The following ADAM10 variants were observed in gnomAD, a reference collection of about 807,000 sequenced individuals.
ADAM10 encodes the protein disintegrin and metalloproteinase domain-containing protein 10.
ADAM10 carries 17 observed loss-of-function variants against 90.1 expected under a neutral mutation model. The ratio of observed to expected loss-of-function variants is 0.19; its 90% confidence interval spans 0.13 to 0.28. The LOEUF (loss-of-function observed/expected upper bound fraction) is 0.28. ADAM10 is among the 10% of genes least tolerant of loss of function. The pLI is 1.00. For synonymous variants in ADAM10, 310 were observed against 298.6 expected (o/e 1.04, Z -0.40); for missense variants, 610 against 914.3 (o/e 0.67, Z 4.29).
intron 2 of ADAM10, among the ~76,000 whole-genome samples, chr15:58,685,265 T>C (rs954365160): frequency 6.7e-6 from 1 of 148,238 alleles, no homozygotes; most frequent in Non-Finnish European, 1.5e-5. Context: ...ATCGAGACCA[T>C]CCTGGCTAAC....
intron 2 of ADAM10, chr15:58,686,464 G>C: frequency 1.4e-6 from 2 of 1,395,770 alleles, no homozygotes; most frequent in Non-Finnish European, 2.0e-6. Context: ...AGCAGCTCAA[G>C]TTGGAGGCTG....
At chr15:58,617,382 A>G (rs1423316192) in intron 11 of ADAM10, among the ~76,000 whole-genome samples, 2 of 152,134 alleles carry the variant, frequency 1.3e-5, no homozygotes. Flanking sequence ...TGAAATAAGA[A>G]TAGAAAACCT....
intron 1 of ADAM10, among the ~76,000 whole-genome samples, chr15:58,736,140 T>C (rs545709428): frequency 1.3e-5 from 2 of 152,292 alleles, no homozygotes; most frequent in South Asian, 4.1e-4. Context: ...CTTATCCTTA[T>C]TAACATCTTC....
intron 11 of ADAM10, 32 bp downstream of exon 11, chr15:58,621,439 G>C: frequency 2.5e-6 from 4 of 1,613,182 alleles, no homozygotes; most frequent in South Asian, 2.2e-5. Flanking sequence ...AACTTTACAA[G>C]AATGTTAACA....
intron 11 of ADAM10, among the ~76,000 whole-genome samples, chr15:58,615,190 C>T (rs529812476): frequency 2.1e-5 from 3 of 143,288 alleles, no homozygotes; most frequent in Non-Finnish European, 3.0e-5. Flanking sequence ...AGGAGAATGG[C>T]GTGAACCCAG....
At chr15:58,664,346 C>T (rs1378859503) in intron 5 of ADAM10, among the ~76,000 whole-genome samples, 1 of 152,038 alleles carries the variant, frequency 6.6e-6, no homozygotes, top group Non-Finnish European at 1.5e-5. Flanking sequence ...TCCACATATT[C>T]CCAGAACTTT....
At chr15:58,628,065 T>C (rs1348401870) in intron 9 of ADAM10, among the ~76,000 whole-genome samples, 182 bp from the exon 10 acceptor site, 1 of 152,202 alleles carries the variant, frequency 6.6e-6, no homozygotes, top group East Asian at 1.9e-4. Flanking sequence ...GGGGTCACTG[T>C]CTTAGAAAAG....
intron 10 of ADAM10, 97 bp downstream of exon 10, chr15:58,627,603 G>T: frequency 9.8e-7 from 1 of 1,018,644 alleles, no homozygotes. Context: ...ATAGTAAAAT[G>T]CAGGTGGTGG....
intron 1 of ADAM10, among the ~76,000 whole-genome samples, chr15:58,721,879 A>G (rs1185488305): frequency 3.3e-5 from 5 of 151,658 alleles, no homozygotes; most frequent in Non-Finnish European, 7.4e-5. Flanking sequence ...AATACAAAAA[A>G]TAGCTGGGCA....
At chr15:58,603,040 G>C (rs1895157656) in intron 14 of ADAM10, among the ~76,000 whole-genome samples, 1 of 152,104 alleles carries the variant, frequency 6.6e-6, no homozygotes. Flanking sequence ...AATCTGGCTT[G>C]GAATTTAAAA....
intron 1 of ADAM10, among the ~76,000 whole-genome samples, chr15:58,738,063 G>A (rs1282006906): frequency 6.6e-6 from 1 of 152,112 alleles, no homozygotes. Flanking sequence ...TAAATGAGAG[G>A]ATATAAGAGT....
At chr15:58,609,660 T>C (rs1895383193) in intron 14 of ADAM10, 1 of 154,348 alleles carries the variant, frequency 6.5e-6, no homozygotes, top group African/African-American at 2.4e-5. Flanking sequence ...ATAGATATTT[T>C]AATGTTATCA....
chr15:58,665,189 G>A lies in ADAM10; in HGVS notation c.493C>T (p.His165Tyr). ...CAGCCCCCCTGAGGACCGTATTTAT[G>A]GGGATAGTCTAAAATACAAAGAAGA... is the stretch of plus-strand genomic sequence containing the variant. ...IYHEDDINYP[H>Y]KYGPQGGCAD... Residue 165 changes from histidine to tyrosine, a missense_variant, in exon 5 of 16, where the codon CAT becomes TAT. His to Tyr is a moderately conservative substitution (Grantham distance 83). This residue lies in a region of ADAM10 where 310 missense variants were observed against 362.4 expected (regional missense o/e 0.86). Coordinates refer to ENST00000260408, the MANE Select transcript of ADAM10 (RefSeq NM_001110.4). 2 of 1,608,884 alleles carry A rather than the reference G, an allele frequency of 1.2e-6. No homozygotes were observed. Among genetic ancestry groups the A allele is most frequent in the South Asian group, 2.2e-5 (2 of 91,002 alleles).
In ADAM10 at chr15:58,593,153, T is replaced by G. The variant is rs894916438; in HGVS notation, c.*4394A>C. On this transcript the variant is annotated 3_prime_UTR_variant, in exon 16 of 16. Coordinates refer to ENST00000260408, the MANE Select transcript of ADAM10 (RefSeq NM_001110.4). ...TAACAAAGGCCAGGTACTCAAATTTTTTTTTTTTTTTTTTTTTTTTTTTTT... is the reference window on the plus strand; with the variant it reads ...TAACAAAGGCCAGGTACTCAAATTTGTTTTTTTTTTTTTTTTTTTTTTTTT... The G allele has an allele frequency of 1.9e-4, 1 of 5,328 alleles. No homozygotes were observed. Among genetic ancestry groups the G allele is most frequent in the African/African-American group, 1.1e-3 (1 of 932 alleles). 0.3% of individuals were successfully genotyped at this position (5,328 alleles called of 1,614,324 possible).
intron 14 of ADAM10, among the ~76,000 whole-genome samples, chr15:58,603,312 A>C (rs1458829411): frequency 6.6e-6 from 1 of 152,192 alleles, no homozygotes; most frequent in African/African-American, 2.4e-5. Context: ...GTACACGACC[A>C]TTTTGAGTAA....
intron 5 of ADAM10, among the ~76,000 whole-genome samples, chr15:58,647,486 G>C (rs1022989192): frequency 2.0e-5 from 3 of 151,330 alleles, no homozygotes; most frequent in African/African-American, 7.3e-5. Context: ...AGATGGTCTC[G>C]ATCTCCTGAC....
At chr15:58,627,045 T>G (rs1377967015) in intron 10 of ADAM10, among the ~76,000 whole-genome samples, 1 of 152,152 alleles carries the variant, frequency 6.6e-6, no homozygotes, top group Non-Finnish European at 1.5e-5. Flanking sequence ...ATCCAAGGTA[T>G]TCATGATAGG....
At chr15:58,727,149 T>C (rs959596188) in intron 1 of ADAM10, among the ~76,000 whole-genome samples, 2 of 143,808 alleles carry the variant, frequency 1.4e-5, no homozygotes, top group Admixed American at 1.4e-4. Context: ...TGGAAACTGG[T>C]GCACCACCAT....
chr15:58,611,147 C>G (rs1008550621), intron 12 of ADAM10, 40 bp from the exon 13 acceptor site: 17 of 1,429,000 alleles, frequency 1.2e-5, no homozygotes, highest in Non-Finnish European at 1.7e-5. Context: ...AATCCCTATA[C>G]AGTCAAACCT....
Sources: allele counts gnomAD v4.1 joint callset (sites outside exome capture counted in the v4.1 genomes callset), GRCh38; gene constraint gnomAD v4.1.1; regional missense constraint gnomAD v4.1.1; transcripts MANE v1.5; gene names NCBI Gene and HGNC (gene_info 2026-07-23, HGNC 2026-07-21).